PCDH9: variants seen among roughly 807,000 people sequenced by gnomAD.
PCDH9 encodes protocadherin-9.
PCDH9 carries 24 observed loss-of-function variants against 70.6 expected under a neutral mutation model. That is an observed-to-expected ratio of 0.34 (90% CI 0.25 to 0.48). The LOEUF is 0.48. Among genes scored for constraint, PCDH9 ranks in the 20% least tolerant of loss-of-function variants. The pLI is 0.99. For synonymous variants in PCDH9, 562 were observed against 558.5 expected, an observed-to-expected ratio of 1.01 and a Z score of -0.09; for missense variants, 1,281 against 1,503.6, an observed-to-expected ratio of 0.85 and a Z score of 2.45.
intron 2 of PCDH9, among the ~76,000 whole-genome samples, chr13:66,980,718 G>GTTTTT (rs1053928621): frequency 3.1e-5 from 1 of 32,346 alleles, no homozygotes; most frequent in African/African-American, 1.2e-4. Flanking sequence ...GTTTTTTCCT[G>GTTTTT]TTTTTTTCTT....
At chr13:66,804,674 C>A (rs556952382) in intron 3 of PCDH9, among the ~76,000 whole-genome samples, 21 of 152,250 alleles carry the variant, frequency 1.4e-4, no homozygotes, top group Admixed American at 1.2e-3. Context: ...TAGTTCTTAT[C>A]ATAGCTCTTA....
intron 3 of PCDH9, among the ~76,000 whole-genome samples, chr13:66,743,681 C>CA (rs1182537934): frequency 6.6e-6 from 1 of 151,930 alleles, no homozygotes; most frequent in Non-Finnish European, 1.5e-5. Flanking sequence ...ATGAGTAACA[C>CA]ATATGTTAAA....
chr13:66,935,508 C>G (rs1352411514), intron 2 of PCDH9, among the ~76,000 whole-genome samples: 1 of 151,968 alleles, frequency 6.6e-6, no homozygotes, highest in African/African-American at 2.4e-5. Flanking sequence ...ATACAATGTG[C>G]AAATAAATTG....
chr13:67,195,674 A>C (rs1490502884), intron 2 of PCDH9, among the ~76,000 whole-genome samples: 2 of 152,166 alleles, frequency 1.3e-5, no homozygotes, highest in Non-Finnish European at 2.9e-5. Context: ...CAATATTGAT[A>C]ATTATAATGA....
intron 3 of PCDH9, among the ~76,000 whole-genome samples, chr13:66,815,946 A>T (rs1042252328): frequency 3.3e-5 from 5 of 152,234 alleles, no homozygotes; most frequent in African/African-American, 7.2e-5. Context: ...CTTCAAATGC[A>T]CTAGATCTAT....
chr13:66,628,346 A>G (rs907698906), intron 4 of PCDH9, among the ~76,000 whole-genome samples: 1 of 152,234 alleles, frequency 6.6e-6, no homozygotes, highest in Non-Finnish European at 1.5e-5. Context: ...AAACAGACAA[A>G]CAAAAAATGA....
At chr13:67,192,477 T>C (rs891860821) in intron 2 of PCDH9, among the ~76,000 whole-genome samples, 9 of 152,204 alleles carry the variant, frequency 5.9e-5, no homozygotes, top group Non-Finnish European at 1.2e-4. Flanking sequence ...CCTTACATTA[T>C]ACATATAAAA....
chr13:67,071,323 A>G (rs2085757493), intron 2 of PCDH9, among the ~76,000 whole-genome samples: 1 of 152,196 alleles, frequency 6.6e-6, no homozygotes, highest in African/African-American at 2.4e-5. Context: ...ACTAAATATA[A>G]AAAGCCAATT....
At chr13:66,647,542 G>T (rs551821174) in intron 3 of PCDH9, among the ~76,000 whole-genome samples, 4 of 152,220 alleles carry the variant, frequency 2.6e-5, no homozygotes, top group Admixed American at 2.6e-4. Flanking sequence ...ATAATCAGCA[G>T]CGGTAGCCAG....
intron 3 of PCDH9, among the ~76,000 whole-genome samples, chr13:66,763,480 C>A (rs915463002): frequency 2.0e-5 from 3 of 151,954 alleles, no homozygotes; most frequent in Non-Finnish European, 2.9e-5. Flanking sequence ...AAAATGTACC[C>A]AATACAGCCA....
intron 3 of PCDH9, among the ~76,000 whole-genome samples, chr13:66,747,897 T>G (rs916146570): frequency 6.6e-6 from 1 of 152,180 alleles, no homozygotes; most frequent in East Asian, 1.9e-4. Context: ...TCAGACCTTG[T>G]TCGTTATGTA....
At chr13:67,041,830 C>CAAAAAAAAAAA (rs61557179) in intron 2 of PCDH9, among the ~76,000 whole-genome samples, 1 of 109,864 alleles carries the variant, frequency 9.1e-6, no homozygotes, top group Admixed American at 9.2e-5. Flanking sequence ...GACTCTGTCT[C>CAAAAAAAAAAA]AAAAAAAAAA....
chr13:66,564,451 C>A (rs1424576900), intron 4 of PCDH9, among the ~76,000 whole-genome samples: 2 of 151,984 alleles, frequency 1.3e-5, no homozygotes, highest in African/African-American at 4.8e-5. Flanking sequence ...CAGGCATGAC[C>A]CACCACACTA....
chr13:66,370,758 C>G (rs1162438896), intron 4 of PCDH9, among the ~76,000 whole-genome samples: 2 of 152,038 alleles, frequency 1.3e-5, no homozygotes, highest in Non-Finnish European at 2.9e-5. Flanking sequence ...AAACAATCCA[C>G]CTGCCTCAGA....
intron 2 of PCDH9, among the ~76,000 whole-genome samples, chr13:66,988,154 G>T (rs2083931487): frequency 6.6e-6 from 1 of 151,864 alleles, no homozygotes; most frequent in Non-Finnish European, 1.5e-5. Context: ...TTGCACCTTG[G>T]GAACTTTTAT....
intron 2 of PCDH9, among the ~76,000 whole-genome samples, chr13:67,050,390 T>C (rs1441845204): frequency 5.3e-5 from 8 of 152,164 alleles, no homozygotes; most frequent in Admixed American, 5.2e-4. Flanking sequence ...GTATTTTAGT[T>C]TACATTTGCA....
At chr13:66,660,029 A>C (rs1481634693) in intron 3 of PCDH9, among the ~76,000 whole-genome samples, 1 of 152,166 alleles carries the variant, frequency 6.6e-6, no homozygotes, top group East Asian at 1.9e-4. Context: ...GAGCTAAACG[A>C]ATGCCTAAAA....
chr13:66,391,408 CTGTTT>C (rs1423275733), intron 4 of PCDH9, among the ~76,000 whole-genome samples: 1 of 152,172 alleles, frequency 6.6e-6, no homozygotes, highest in Non-Finnish European at 1.5e-5. Context: ...AATGCTCTGT[CTGTTT>C]TATCATTTTC....
At chr13:66,751,164 A>G (rs183517257) in intron 3 of PCDH9, among the ~76,000 whole-genome samples, 15 of 152,202 alleles carry the variant, frequency 9.9e-5, no homozygotes, top group African/African-American at 3.6e-4. Flanking sequence ...ATAACAACAT[A>G]CGTACCTTGC....
Sources: gnomAD v4.1 joint callset for allele counts (sites outside exome capture counted in the v4.1 genomes callset) on GRCh38, gnomAD v4.1.1 for gene constraint, MANE v1.5 for transcripts, NCBI Gene and HGNC (gene_info 2026-07-23, HGNC 2026-07-21) for gene names.